Variants in DRD2 observed in about 807,000 individuals in gnomAD.
The protein encoded by DRD2 is dopamine receptor D2, also known as D(2) dopamine receptor.
In DRD2, 8 loss-of-function variants were observed where a neutral mutation model predicts 38.0. The ratio of observed to expected loss-of-function variants is 0.21; its 90% CI spans 0.12 to 0.38. DRD2 has a LOEUF of 0.38. DRD2 is among the 10% of genes least tolerant of loss of function. The pLI, the probability that DRD2 is intolerant of heterozygous loss-of-function variation, is 1.00. For synonymous variants in DRD2, 230 were observed against 238.6 expected, an observed-to-expected ratio of 0.96 and a Z score of 0.33; for missense variants, 403 against 607.7, an observed-to-expected ratio of 0.66 and a Z score of 3.54.
At chr11:113,470,288 C>A (rs1485916019) in intron 1 of DRD2, among the ~76,000 whole-genome samples, 1 of 152,162 alleles carries the variant, frequency 6.6e-6, no homozygotes, top group Non-Finnish European at 1.5e-5. Context: ...TGAAGGAGAC[C>A]AATAACAAAT....
chr11:113,439,754 G>A (rs917180934), intron 1 of DRD2, among the ~76,000 whole-genome samples: 10 of 135,810 alleles, frequency 7.4e-5, no homozygotes, highest in South Asian at 4.9e-4. Flanking sequence ...TAGGAGAATC[G>A]CCTGAACCCG....
At chr11:113,432,650 A>T (rs188865255) in intron 1 of DRD2, among the ~76,000 whole-genome samples, 3 of 152,206 alleles carry the variant, frequency 2.0e-5, no homozygotes, top group Non-Finnish European at 2.9e-5. Context: ...TTGTATTTGC[A>T]TCTCAAAAGC....
At chr11:113,411,889 T>A (rs1319468754) in intron 7 of DRD2, 1 of 152,932 alleles carries the variant, frequency 6.5e-6, no homozygotes, top group East Asian at 1.9e-4. Context: ...CAGCCACCCA[T>A]ATCAGTCCAC....
intron 1 of DRD2, among the ~76,000 whole-genome samples, chr11:113,474,595 G>A (rs1233151229): frequency 6.6e-6 from 1 of 152,112 alleles, no homozygotes; most frequent in Non-Finnish European, 1.5e-5. Context: ...AACTGAAAAG[G>A]GTCAGGTCGC....
intron 6 of DRD2, chr11:113,414,145 T>C: frequency 1.7e-6 from 1 of 596,602 alleles, no homozygotes. Context: ...TTTTATTACG[T>C]TGGTATGGCC....
At chr11:113,423,795 G>A (rs748884784) in intron 2 of DRD2, among the ~76,000 whole-genome samples, 6 of 152,194 alleles carry the variant, frequency 3.9e-5, no homozygotes, top group Non-Finnish European at 8.8e-5. Context: ...TGCAGGTCCT[G>A]GACAGGGCCC....
intron 1 of DRD2, among the ~76,000 whole-genome samples, chr11:113,443,525 C>A (rs1311462066): frequency 6.6e-6 from 1 of 152,228 alleles, no homozygotes; most frequent in Admixed American, 6.5e-5. Context: ...AACCATCGCT[C>A]TCCAATCACT....
chr11:113,433,759 C>T (rs1173661970), intron 1 of DRD2, among the ~76,000 whole-genome samples: 2 of 152,166 alleles, frequency 1.3e-5, no homozygotes, highest in Admixed American at 6.5e-5. Context: ...GCTACAATCT[C>T]GAGGGCCTTC....
At chr11:113,449,759 T>C (rs993366607) in intron 1 of DRD2, among the ~76,000 whole-genome samples, 1 of 152,056 alleles carries the variant, frequency 6.6e-6, no homozygotes, top group African/African-American at 2.4e-5. Flanking sequence ...ACCTAGCAAG[T>C]GGATATACTC....
intron 1 of DRD2, among the ~76,000 whole-genome samples, chr11:113,427,808 C>A (rs561455856): frequency 1.5e-4 from 23 of 152,162 alleles, no homozygotes; most frequent in Non-Finnish European, 2.4e-4. Context: ...AAGTCCTAAC[C>A]CCCAGTACCT....
chr11:113,416,650 G>A (rs1430536350), intron 4 of DRD2, among the ~76,000 whole-genome samples: 2 of 152,156 alleles, frequency 1.3e-5, no homozygotes, highest in African/African-American at 4.8e-5. Context: ...ACTCCGTTGT[G>A]TCCTGGGCCA....
chr11:113,412,335 C>T (rs895436252), intron 7 of DRD2, among the ~76,000 whole-genome samples: 18 of 152,292 alleles, frequency 1.2e-4, no homozygotes, highest in African/African-American at 4.3e-4. Flanking sequence ...CATGGGTCCT[C>T]TTGGTCAGGT....
At chr11:113,454,485 G>A (rs186556789) in intron 1 of DRD2, among the ~76,000 whole-genome samples, 143 of 152,222 alleles carry the variant, frequency 9.4e-4, no homozygotes, top group Non-Finnish European at 3.1e-4. Flanking sequence ...CCAAAGCCCT[G>A]GCTTTTCCCT....
chr11:113,417,090 G>C, intron 3 of DRD2, 91 bp from the exon 4 acceptor site: 1 of 1,523,440 alleles, frequency 6.6e-7, no homozygotes, highest in South Asian at 1.3e-5. Flanking sequence ...CTCACTCCTT[G>C]GGGCTAAACA....
In DRD2 at chr11:113,415,630, G is replaced by A. The variant is rs200267533; in HGVS notation, c.533-19C>T. On this transcript the variant is annotated intron_variant, in intron 4 of 7. Coordinates refer to ENST00000362072, the MANE Select transcript of DRD2 (RefSeq NM_000795.4). ...TTCTGGTCTGGGGGAGGGAGAGCCC[G>A]GGCAGGCAGGGAGTCAGCGGGCCCA... 1.7e-5 allele frequency: 27 copies of A among 1,600,914 alleles called. No individual in the cohort carries two copies. The highest frequency in any genetic ancestry group is 1.1e-4 in the African/African-American group (8 of 74,582).
intron 6 of DRD2, 86 bp from the exon 7 acceptor site, chr11:113,412,969 C>T (rs1950784886): frequency 4.2e-6 from 6 of 1,420,866 alleles, no homozygotes; most frequent in African/African-American, 1.4e-5. Flanking sequence ...CCCTTTCCCC[C>T]TCTGAAGACT....
At chr11:113,433,801 C>A (rs1007418019) in intron 1 of DRD2, among the ~76,000 whole-genome samples, 1 of 152,102 alleles carries the variant, frequency 6.6e-6, no homozygotes, top group Admixed American at 6.5e-5. Context: ...CAACCCGGGT[C>A]GCCTGCTCCA....
chr11:113,412,207 G>A lies in DRD2; in HGVS notation c.1138+349C>T, dbSNP rs531347875. 1.1e-3 allele frequency: 410 copies of A among 376,094 alleles called. 1 individual carries two copies. Among genetic ancestry groups the A allele is most frequent in the Non-Finnish European group, 1.7e-3 (331 of 200,352 alleles). The allele number at this position is 376,094 out of a possible 1,614,324, so 23.3% of individuals were successfully genotyped here. A position where few individuals can be genotyped will look rare whatever the true frequency, so the allele number is the denominator to read the frequency against. Reference sequence around the variant, plus strand: ...CTGAGAAGTAACCTACTCTACAGATGAGGAGCCTAGAGAGAGAAAGTGACT... The same window carrying A: ...CTGAGAAGTAACCTACTCTACAGATAAGGAGCCTAGAGAGAGAAAGTGACT... On this transcript the variant is annotated intron_variant, in intron 7 of 7. Coordinates refer to ENST00000362072, the MANE Select transcript of DRD2 (RefSeq NM_000795.4).
In DRD2 at chr11:113,412,791, G is replaced by A. The variant is rs1322250809; in HGVS notation, c.903C>T (p.Ser301=). The change falls in exon 7 of 8, where the codon AGC becomes AGT. Residue 301 remains serine, a synonymous_variant. Transcript: ENST00000362072. ...ERTRYSPIPP[S]HHQLTLPDPS... ...GGTCGGGGAGAGTCAGCTGGTGGTG[G>A]CTGGGTGGGATGGGGCTGTACCGGG... 29 of 1,613,586 alleles carry A rather than the reference G, an allele frequency of 1.8e-5. No individual in the cohort carries two copies. Among genetic ancestry groups the A allele is most frequent in the Non-Finnish European group, 2.3e-5 (27 of 1,179,692 alleles).
Sources: gnomAD v4.1 joint callset for allele counts (sites outside exome capture counted in the v4.1 genomes callset) on GRCh38, gnomAD v4.1.1 for gene constraint, MANE v1.5 for transcripts, NCBI Gene and HGNC (gene_info 2026-07-23, HGNC 2026-07-21) for gene names.